Variants in SOBP observed in about 807,000 individuals in gnomAD.
The protein encoded by SOBP is sine oculis-binding protein homolog.
SOBP carries 4 observed loss-of-function variants against 53.6 expected under a neutral mutation model. The ratio of observed to expected loss-of-function variants is 0.07; its 90% CI spans 0.04 to 0.17. The LOEUF is 0.17. Ranked by LOEUF, SOBP falls within the 10% of genes least tolerant of loss-of-function variation. The probability of loss-of-function intolerance (pLI) is 1.00; values close to 1 mark genes in which losing one functional copy is unlikely to be tolerated. For synonymous variants in SOBP, 584 were observed against 522.6 expected, an observed-to-expected ratio of 1.12 and a Z score of -1.60; for missense variants, 1,088 against 1,204.7, an observed-to-expected ratio of 0.90 and a Z score of 1.43.
intron 5 of SOBP, among the ~76,000 whole-genome samples, chr6:107,593,488 T>C (rs1046479364): frequency 1.2e-4 from 18 of 152,324 alleles, no homozygotes; most frequent in African/African-American, 4.1e-4. Flanking sequence ...AGACTGTGTG[T>C]TCTCCAAGGG....
In SOBP at chr6:107,634,083, C is replaced by T. The variant is rs566503583; in HGVS notation, c.1239C>T (p.Arg413=). The change falls in exon 6 of 7, where the codon CGC becomes CGT. Residue 413 remains arginine (R), a synonymous_variant. Transcript: ENST00000317357. The surrounding 1 kb of genome is among the most constrained non-coding windows in gnomAD (Gnocchi z 4.5). ...AGCAGATCCGCCCGCCCTTCATCCG[C>T]GGGCCTCCGCACCATGCCTCCAACC... is the stretch of plus-strand genomic sequence containing the variant. ...IMQQIRPPFI[R]GPPHHASNPN... The T allele has an allele frequency of 6.9e-6, 11 of 1,599,286 alleles. No homozygotes were observed. Among genetic ancestry groups the T allele is most frequent in the East Asian group, 6.7e-5 (3 of 44,684 alleles).
intron 3 of SOBP, among the ~76,000 whole-genome samples, chr6:107,509,169 C>A (rs1412175779): frequency 6.6e-6 from 1 of 151,860 alleles, no homozygotes; most frequent in Non-Finnish European, 1.5e-5. Flanking sequence ...CTGAGGCGGG[C>A]GGATCACCTG....
At chr6:107,648,740 G>A (rs1771669337) in intron 6 of SOBP, among the ~76,000 whole-genome samples, 2 of 151,818 alleles carry the variant, frequency 1.3e-5, no homozygotes, top group African/African-American at 2.4e-5. Context: ...CTAGAAGCTG[G>A]ACTTCCATCC....
intron 4 of SOBP, among the ~76,000 whole-genome samples, chr6:107,580,243 C>T (rs1205114350): frequency 1.3e-5 from 2 of 152,194 alleles, no homozygotes; most frequent in Non-Finnish European, 2.9e-5. Context: ...AGAAAGCCCT[C>T]CACCCAAGCT....
rs1783758868 is a variant in SOBP at position 107,529,508 on chromosome 6, C to T, written c.422-3951C>T. Reference sequence around the variant, plus strand: ...CCAGCAAATACTTTCGGAATTTCCCCTCAGTCTTGGACTCCCATGAAAGTT... The same window carrying T: ...CCAGCAAATACTTTCGGAATTTCCCTTCAGTCTTGGACTCCCATGAAAGTT... On this transcript the variant is annotated intron_variant, in intron 3 of 6. Coordinates refer to ENST00000317357, the MANE Select transcript of SOBP (RefSeq NM_018013.4). 6 of 985,310 alleles carry T rather than the reference C, an allele frequency of 6.1e-6. No individual in the cohort carries two copies. In the South Asian group the frequency reaches 1.9e-4, roughly 31 times the overall value. 61.0% of individuals were successfully genotyped at this position (985,310 alleles called of 1,614,324 possible). A position where few individuals can be genotyped will look rare whatever the true frequency, so the allele number is the denominator to read the frequency against.
chr6:107,624,514 C>G (rs1367897342), intron 5 of SOBP, among the ~76,000 whole-genome samples: 1 of 152,172 alleles, frequency 6.6e-6, no homozygotes, highest in Non-Finnish European at 1.5e-5. Flanking sequence ...TGCTGGGAGA[C>G]CCTGGCAAAC....
intron 6 of SOBP, among the ~76,000 whole-genome samples, chr6:107,641,776 G>T (rs919409738): frequency 6.6e-6 from 1 of 152,324 alleles, no homozygotes; most frequent in East Asian, 1.9e-4. Flanking sequence ...GACAAGTGCT[G>T]CAGAGGGGCA....
intron 4 of SOBP, among the ~76,000 whole-genome samples, chr6:107,579,347 CAA>C (rs1785332271): frequency 6.6e-6 from 1 of 152,108 alleles, no homozygotes; most frequent in Admixed American, 6.5e-5. Flanking sequence ...TCTTACCAAA[CAA>C]AGACACTCAG....
At position 107,634,467 on chromosome 6, in the gene SOBP, C is replaced by T; in HGVS notation, c.1623C>T (p.Ile541=). 1.2e-6 allele frequency: 2 copies of T among 1,611,242 alleles called. No individual in the cohort carries two copies. Among genetic ancestry groups the T allele is most frequent in the South Asian group, 2.2e-5 (2 of 91,072 alleles). ...VPLPVPIPIP[I]PIPHVSDSKP... ...TACCGGTGCCCATCCCCATCCCCAT[C>T]CCTATCCCTCACGTCAGCGACTCCA... Residue 541 remains isoleucine, a synonymous_variant, in exon 6 of 7, where the codon ATC becomes ATT. Transcript: ENST00000317357. This position sits in a 1 kb window ranked among gnomAD's most constrained non-coding sequence, Gnocchi z 4.5.
chr6:107,594,202 A>G (rs1785858996), intron 5 of SOBP, among the ~76,000 whole-genome samples: 2 of 152,144 alleles, frequency 1.3e-5, no homozygotes, highest in South Asian at 2.1e-4. Context: ...AATAGTAGCT[A>G]TTGGGTAGGG....
chr6:107,539,129 G>A (rs1784081269), intron 4 of SOBP, among the ~76,000 whole-genome samples: 1 of 152,170 alleles, frequency 6.6e-6, no homozygotes, highest in African/African-American at 2.4e-5. Context: ...GGGATACCTG[G>A]AACACAGCAT....
At chr6:107,521,771 AC>A (rs1783494575) in intron 3 of SOBP, among the ~76,000 whole-genome samples, 1 of 152,016 alleles carries the variant, frequency 6.6e-6, no homozygotes, top group African/African-American at 2.4e-5. Context: ...GGTATCCAAC[AC>A]CCAAGGTGCA....
intron 1 of SOBP, among the ~76,000 whole-genome samples, chr6:107,492,746 C>T (rs1358721246): frequency 6.6e-6 from 1 of 152,160 alleles, no homozygotes; most frequent in Non-Finnish European, 1.5e-5. Flanking sequence ...TTCCAAATCA[C>T]CACCCACTAT....
chr6:107,602,584 A>AAAAAAAAAAGGAAAGGG, intron 5 of SOBP, among the ~76,000 whole-genome samples: 1 of 151,822 alleles, frequency 6.6e-6, no homozygotes, highest in African/African-American at 2.4e-5. Flanking sequence ...AAAAAAAAAA[A>AAAAAAAAAAGGAAAGGG]AAAGGAAAGG....
intron 3 of SOBP, among the ~76,000 whole-genome samples, chr6:107,525,905 C>T (rs1378032025): frequency 6.6e-6 from 1 of 152,112 alleles, no homozygotes; most frequent in Non-Finnish European, 1.5e-5. Context: ...CCTGTTACTC[C>T]TGTTGGAGTG....
At chr6:107,504,795 A>T (rs927612686) in intron 2 of SOBP, among the ~76,000 whole-genome samples, 5 of 152,252 alleles carry the variant, frequency 3.3e-5, no homozygotes, top group African/African-American at 1.2e-4. Flanking sequence ...ATTTTATGTT[A>T]AGCTTACTAT....
rs150047070 is a variant in SOBP at position 107,659,149 on chromosome 6, G to A, written c.*946G>A. The A allele has an allele frequency of 1.3e-5, 2 of 152,684 alleles. No homozygotes were observed. Among genetic ancestry groups the A allele is most frequent in the East Asian group, 1.9e-4 (1 of 5,184 alleles). 9.5% of individuals were successfully genotyped at this position (152,684 alleles called of 1,614,324 possible). A position where few individuals can be genotyped will look rare whatever the true frequency, so the allele number is the denominator to read the frequency against. On this transcript the variant is annotated 3_prime_UTR_variant, in exon 7 of 7. Transcript: ENST00000317357. ...TGAAATTTCAACCCTGATGGTTTTCGGTGATCCAGGAAGTCAGTGAGACAA... is the reference window on the plus strand; with the variant it reads ...TGAAATTTCAACCCTGATGGTTTTCAGTGATCCAGGAAGTCAGTGAGACAA...
At chr6:107,595,499 A>T (rs73762278) in intron 5 of SOBP, among the ~76,000 whole-genome samples, 2,006 of 152,140 alleles carry the variant, frequency 0.013, 42 homozygotes, top group African/African-American at 0.045. Flanking sequence ...GGAGTCAGTC[A>T]TATTCTCCTT....
chr6:107,508,826 GTAAC>G (rs777498598), intron 3 of SOBP, among the ~76,000 whole-genome samples: 26 of 152,206 alleles, frequency 1.7e-4, no homozygotes, highest in Non-Finnish European at 3.4e-4. Context: ...GAAAAAAAGG[GTAAC>G]TAATTTTGTA....
Sources: allele counts gnomAD v4.1 joint callset (sites outside exome capture counted in the v4.1 genomes callset), GRCh38; gene constraint gnomAD v4.1.1; non-coding constraint Gnocchi (gnomAD v3.1); transcripts MANE v1.5; gene names NCBI Gene and HGNC (gene_info 2026-07-23, HGNC 2026-07-21).